Variants in INSR observed in about 807,000 individuals in gnomAD.
INSR encodes insulin receptor.
In INSR, 67 loss-of-function variants were observed where a neutral mutation model predicts 142.6. The ratio of observed to expected loss-of-function variants is 0.47; its 90% CI spans 0.39 to 0.58. The LOEUF is 0.58. Ranked by LOEUF, INSR falls within the 20% of genes least tolerant of loss-of-function variation. The pLI is 0.00. For missense variants in INSR, 1,248 were observed against 1,833.2 expected, an observed-to-expected ratio of 0.68 and a Z score of 5.83; for synonymous variants, 756 against 743.1, an observed-to-expected ratio of 1.02 and a Z score of -0.28.
chr19:7,200,880 AAGGC>A, intron 2 of INSR, among the ~76,000 whole-genome samples: 1 of 146,130 alleles, frequency 6.8e-6, no homozygotes. Context: ...AAAAAAAAAA[AAGGC>A]TGAAGAGCCA....
intron 2 of INSR, among the ~76,000 whole-genome samples, chr19:7,202,996 G>GTTGTT (rs1555751314): frequency 5.3e-4 from 36 of 67,774 alleles, no homozygotes; most frequent in African/African-American, 1.3e-3. Flanking sequence ...GGGTTTTGTT[G>GTTGTT]TTTTTTTTTT....
At chr19:7,152,467 A>C (rs1402869991) in intron 10 of INSR, 1 of 528,626 alleles carries the variant, frequency 1.9e-6, no homozygotes, top group African/African-American at 1.9e-5. Flanking sequence ...AGACCAGCTC[A>C]GGAGAGGTAA....
rs371884548 is a variant in INSR at position 7,150,494 on chromosome 19, T to C, written c.2267+3A>G. 4 of 1,613,974 alleles carry C rather than the reference T, an allele frequency of 2.5e-6. No individual in the cohort carries two copies. In the African/African-American group the frequency reaches 4.0e-5, roughly 16 times the overall value. On this transcript the variant is annotated splice_donor_region_variant and intron_variant, in intron 11 of 21. Coordinates refer to ENST00000302850, the MANE Select transcript of INSR (RefSeq NM_000208.4). This position sits in a 1 kb window ranked among gnomAD's most constrained non-coding sequence, Gnocchi z 4.2. ...CACCAGGGGTCGCACAGGTGAGTCA[T>C]ACCTAGGGTCCTCGGCACCAGTGCC...
intron 2 of INSR, among the ~76,000 whole-genome samples, chr19:7,219,604 AAGGG>A (rs1386611682): frequency 1.7e-5 from 2 of 117,322 alleles, no homozygotes; most frequent in African/African-American, 3.3e-5. Context: ...AGAAGGAAGG[AAGGG>A]AGGGAGGGAA....
rs1972436699 is a variant in INSR, at chr19:7,119,764, A to ACAAACATG, written c.3660-182_3660-181insCATGTTTG. On this transcript the variant is annotated intron_variant, in intron 20 of 21. Transcript: ENST00000302850. The surrounding 1 kb of genome is among the most constrained non-coding windows in gnomAD (Gnocchi z 5.2). ...CACGTGCACACACATGCAAATACAC[A>ACAAACATG]CAAACACGCATGCGCACACATGCAC... 7.5e-6 allele frequency among the ~76,000 whole-genome samples: 1 copy of ACAAACATG among 133,152 alleles called. No homozygotes were observed. Among genetic ancestry groups the ACAAACATG allele is most frequent in the South Asian group, 2.6e-4 (1 of 3,904 alleles). The allele number at this position is 133,152 out of a possible 152,430, so 87.4% of individuals were successfully genotyped here.
chr19:7,243,886 C>T (rs1215202882), intron 2 of INSR, among the ~76,000 whole-genome samples: 1 of 152,134 alleles, frequency 6.6e-6, no homozygotes, highest in Non-Finnish European at 1.5e-5. Context: ...ACATAGATGT[C>T]GGATAATACC....
At position 7,144,054 on chromosome 19, in the gene INSR, C is replaced by CAAA. The variant is rs111357856; in HGVS notation, c.2268-967_2268-965dup. 1.7e-3 allele frequency among the ~76,000 whole-genome samples: 164 copies of CAAA among 96,404 alleles called. 1 individual carries two copies. The highest frequency in any genetic ancestry group is 5.3e-3 in the African/African-American group (154 of 28,910). The allele number at this position is 96,404 out of a possible 152,430, so 63.2% of individuals were successfully genotyped here. A position where few individuals can be genotyped will look rare whatever the true frequency, so the allele number is the denominator to read the frequency against. On this transcript the variant is annotated intron_variant, in intron 11 of 21. Transcript: ENST00000302850. ...TGGGCGACAGAGTGAGACTCTGTCT[C>CAAA]AAAAAAAAAAAAAAGAAAAGAAAAT...
At chr19:7,262,495 T>A (rs768257968) in intron 2 of INSR, among the ~76,000 whole-genome samples, 33 of 151,964 alleles carry the variant, frequency 2.2e-4, no homozygotes, top group Non-Finnish European at 5.9e-5. Context: ...AATAAATAAG[T>A]TTCCTAAAGC....
intron 10 of INSR, among the ~76,000 whole-genome samples, chr19:7,151,015 T>G (rs937678750): frequency 6.6e-6 from 1 of 150,634 alleles, no homozygotes; most frequent in Non-Finnish European, 1.5e-5. Context: ...TTCATTTGCT[T>G]TCTTTCTCTT....
intron 1 of INSR, among the ~76,000 whole-genome samples, chr19:7,293,502 C>T (rs1339570161): frequency 6.6e-6 from 1 of 152,184 alleles, no homozygotes; most frequent in African/African-American, 2.4e-5. Flanking sequence ...GGCCGGGGCA[C>T]GGGTCGGAGG....
intron 2 of INSR, among the ~76,000 whole-genome samples, chr19:7,238,844 G>C (rs1051847718): frequency 6.6e-6 from 1 of 150,918 alleles, no homozygotes; most frequent in African/African-American, 2.4e-5. Flanking sequence ...CTTCCACTAT[G>C]TGTCCCCAAA....
chr19:7,238,891 G>GT (rs993794160), intron 2 of INSR, among the ~76,000 whole-genome samples: 1 of 127,206 alleles, frequency 7.9e-6, no homozygotes, highest in Non-Finnish European at 1.6e-5. Flanking sequence ...GTAGACCCGT[G>GT]TTTTTCCCAG....
chr19:7,243,917 A>G (rs1976446142), intron 2 of INSR, among the ~76,000 whole-genome samples: 2 of 152,244 alleles, frequency 1.3e-5, no homozygotes, highest in Non-Finnish European at 2.9e-5. Context: ...ATTTAATGTT[A>G]GTCTAGAAGC....
chr19:7,251,614 T>C (rs1296671780), intron 2 of INSR, among the ~76,000 whole-genome samples: 1 of 151,928 alleles, frequency 6.6e-6, no homozygotes, highest in African/African-American at 2.4e-5. Flanking sequence ...AGATTCACAC[T>C]TGGGTGATAA....
chr19:7,137,191 C>T (rs543050149), intron 13 of INSR, among the ~76,000 whole-genome samples: 105 of 150,998 alleles, frequency 7.0e-4, no homozygotes, highest in Non-Finnish European at 1.1e-3. Flanking sequence ...ACTCCATTTA[C>T]AAAATTCTCT....
At chr19:7,255,635 T>C (rs1208741427) in intron 2 of INSR, among the ~76,000 whole-genome samples, 1 of 151,556 alleles carries the variant, frequency 6.6e-6, no homozygotes, top group African/African-American at 2.4e-5. Flanking sequence ...TGGGGTACAG[T>C]GGTGTAATCA....
At chr19:7,177,931 T>C (rs542197577) in intron 3 of INSR, among the ~76,000 whole-genome samples, 9 of 151,772 alleles carry the variant, frequency 5.9e-5, no homozygotes, top group Non-Finnish European at 1.2e-4. Flanking sequence ...CATCTGAAAA[T>C]AACACCACCA....
At chr19:7,178,066 G>C (rs1019155047) in intron 3 of INSR, among the ~76,000 whole-genome samples, 2 of 152,016 alleles carry the variant, frequency 1.3e-5, no homozygotes, top group Non-Finnish European at 2.9e-5. Context: ...TGCTGCTGCT[G>C]TTGTTCTCAC....
rs1404200290 is a variant in INSR at position 7,184,691 on chromosome 19, T to C, written c.653-54A>G. The C allele has an allele frequency of 1.9e-5, 22 of 1,134,400 alleles. 1 individual carries two copies. The Admixed American group carries it at 4.9e-4, about 25-fold the overall frequency. The allele number at this position is 1,134,400 out of a possible 1,614,324, so 70.3% of individuals were successfully genotyped here. On this transcript the variant is annotated intron_variant, in intron 2 of 21. Coordinates refer to ENST00000302850, the MANE Select transcript of INSR (RefSeq NM_000208.4). ...ATAAATAAATAAATAAATAAATAAA[T>C]AAATAAATAAATAAATGGCTTTGTC...
Sources: gnomAD v4.1 joint callset for allele counts (sites outside exome capture counted in the v4.1 genomes callset) on GRCh38, gnomAD v4.1.1 for gene constraint, Gnocchi (gnomAD v3.1) non-coding constraint, MANE v1.5 for transcripts, NCBI Gene and HGNC (gene_info 2026-07-23, HGNC 2026-07-21) for gene names.